ARMC8: variants seen among roughly 807,000 people sequenced by gnomAD.
The protein encoded by ARMC8 is armadillo repeat containing 8.
A neutral mutation model predicts 99.3 loss-of-function variants in ARMC8; 20 were observed. The ratio of observed to expected loss-of-function variants is 0.20; its 90% CI spans 0.14 to 0.29. ARMC8 has a LOEUF of 0.29. Among genes scored for constraint, ARMC8 ranks in the 10% least tolerant of loss-of-function variants. The pLI is 1.00. For missense variants in ARMC8, 569 were observed against 809.5 expected (o/e 0.70, Z 3.60); for synonymous variants, 263 against 278.3 (o/e 0.95, Z 0.55).
intron 14 of ARMC8, among the ~76,000 whole-genome samples, chr3:138,265,457 T>C (rs1371571757): frequency 6.6e-6 from 1 of 152,210 alleles, no homozygotes; most frequent in Non-Finnish European, 1.5e-5. Flanking sequence ...ATACCTGCTA[T>C]GTACTAAGCA....
At chr3:138,225,231 G>C (rs531252635) in intron 5 of ARMC8, among the ~76,000 whole-genome samples, 1 of 146,794 alleles carries the variant, frequency 6.8e-6, no homozygotes, top group East Asian at 2.2e-4. Context: ...TCAGCCTCCC[G>C]AGCTACTCAG....
chr3:138,210,938 G>A (rs2044660606), intron 2 of ARMC8, among the ~76,000 whole-genome samples: 1 of 152,080 alleles, frequency 6.6e-6, no homozygotes, highest in South Asian at 2.1e-4. Flanking sequence ...AGGATCCACC[G>A]AGATACTTGA....
At chr3:138,247,714 T>C (rs1160288841) in intron 12 of ARMC8, among the ~76,000 whole-genome samples, 1 of 152,206 alleles carries the variant, frequency 6.6e-6, no homozygotes, top group Non-Finnish European at 1.5e-5. Flanking sequence ...CTTTTACTGC[T>C]TCTAAAGACT....
chr3:138,209,761 G>C lies in ARMC8; in HGVS notation c.46-56G>C, dbSNP rs1397237557. On this transcript the variant is annotated intron_variant, in intron 1 of 21. Coordinates refer to ENST00000469044, the MANE Select transcript of ARMC8 (RefSeq NM_001363941.2). ...GTCACTTGATATTGTGGGTGATGCT[G>C]TGAATTTGTGATTTGCATGGCTTCA... 5 of 1,423,232 alleles carry C rather than the reference G, an allele frequency of 3.5e-6. No individual in the cohort carries two copies. The African/African-American group carries it at 7.0e-5, about 20-fold the overall frequency. The allele number at this position is 1,423,232 out of a possible 1,614,324, so 88.2% of individuals were successfully genotyped here.
chr3:138,188,162 C>G, intron 1 of ARMC8: 1 of 270,028 alleles, frequency 3.7e-6, no homozygotes, highest in Non-Finnish European at 7.2e-6. Context: ...TTCGTATCAG[C>G]TGCAACTCTT....
At chr3:138,240,410 A>G (rs1440411311) in intron 10 of ARMC8, among the ~76,000 whole-genome samples, 1 of 152,226 alleles carries the variant, frequency 6.6e-6, no homozygotes, top group Non-Finnish European at 1.5e-5. Context: ...AACTCTTCAT[A>G]GAGTGCCACG....
chr3:138,227,947 C>T (rs1025543420), intron 5 of ARMC8, among the ~76,000 whole-genome samples: 7 of 152,168 alleles, frequency 4.6e-5, no homozygotes, highest in Admixed American at 3.3e-4. Context: ...TACCTTTCAA[C>T]TTTTAACTCC....
chr3:138,196,830 G>A (rs2043762236), intron 1 of ARMC8, among the ~76,000 whole-genome samples: 1 of 152,120 alleles, frequency 6.6e-6, no homozygotes, highest in Non-Finnish European at 1.5e-5. Context: ...TCGCACCCTT[G>A]CACTCCAGCT....
In ARMC8 at chr3:138,223,477, G is replaced by C; in HGVS notation, c.283G>C (p.Glu95Gln). ...GTTGGGAAGTCTTGCTATGGGTACTGAAAACAATGTCAAGTCTCTACTGGA... is the reference window on the plus strand; with the variant it reads ...GTTGGGAAGTCTTGCTATGGGTACTCAAAACAATGTCAAGTCTCTACTGGA... ...VVLGSLAMGT[E>Q]NNVKSLLDCH... Residue 95 changes from glutamate to glutamine, a missense_variant, in exon 4 of 22, where the codon GAA becomes CAA. Around this residue, in one of 2 missense-constraint regions of ARMC8, gnomAD observed 342 missense variants for 391.6 expected, o/e 0.87. Transcript: ENST00000469044. 1.2e-6 allele frequency: 2 copies of C among 1,614,190 alleles called. No homozygotes were observed. The highest frequency in any genetic ancestry group is 2.2e-5 in the South Asian group (2 of 91,084).
At chr3:138,284,176 T>G (rs1256871689) in intron 18 of ARMC8, among the ~76,000 whole-genome samples, 1 of 152,258 alleles carries the variant, frequency 6.6e-6, no homozygotes, top group African/African-American at 2.4e-5. Flanking sequence ...ATAGCTGCCT[T>G]TGACCAGCTA....
intron 1 of ARMC8, among the ~76,000 whole-genome samples, chr3:138,203,856 C>G (rs1352176295): frequency 6.6e-6 from 1 of 152,190 alleles, no homozygotes; most frequent in Non-Finnish European, 1.5e-5. Context: ...CTCCCCAGCT[C>G]TCTTATTCAT....
Position 138,260,225 on chromosome 3 carries a change from A to G in ARMC8, c.1135-3514A>G, listed in dbSNP as rs529091761. 3.7e-4 allele frequency among the ~76,000 whole-genome samples: 57 copies of G among 152,306 alleles called. 2 individuals are homozygous for G. In the South Asian group the frequency reaches 0.011, roughly 30 times the overall value. ...TCTAAGTAGACCTGAACCATTCTCCAGCCTCTCCTCACCCGCCTTCTTCCC... is the reference window on the plus strand; with the variant it reads ...TCTAAGTAGACCTGAACCATTCTCCGGCCTCTCCTCACCCGCCTTCTTCCC... On this transcript the variant is annotated intron_variant, in intron 12 of 21. Coordinates refer to ENST00000469044, the MANE Select transcript of ARMC8 (RefSeq NM_001363941.2).
At chr3:138,254,084 G>A (rs1289036771) in intron 12 of ARMC8, among the ~76,000 whole-genome samples, 2 of 152,150 alleles carry the variant, frequency 1.3e-5, no homozygotes, top group African/African-American at 4.8e-5. Flanking sequence ...AATTTTAAAT[G>A]TTTTTCTAAG....
At chr3:138,239,351 CAAGAT>C (rs2046490052) in intron 9 of ARMC8, 112 bp from the exon 10 acceptor site, 4 of 686,798 alleles carry the variant, frequency 5.8e-6, no homozygotes, top group Non-Finnish European at 9.7e-6. Flanking sequence ...TCTTCACTCT[CAAGAT>C]AAGTGATATT....
intron 2 of ARMC8, among the ~76,000 whole-genome samples, chr3:138,220,132 C>G (rs2045311040): frequency 6.6e-6 from 1 of 152,126 alleles, no homozygotes; most frequent in East Asian, 1.9e-4. Flanking sequence ...TGAAAGTGAA[C>G]AACAAGCTGG....
intron 1 of ARMC8, among the ~76,000 whole-genome samples, chr3:138,201,552 C>T (rs1169969468): frequency 7.1e-6 from 1 of 140,058 alleles, no homozygotes; most frequent in Non-Finnish European, 1.5e-5. Context: ...ACCTCCACCT[C>T]CCGGGTTCAA....
At chr3:138,287,704 T>C in intron 19 of ARMC8, 1 of 456,696 alleles carries the variant, frequency 2.2e-6, no homozygotes, top group Non-Finnish European at 4.4e-6. Context: ...CATAGAATTC[T>C]ACTGGAGGAA....
At chr3:138,199,170 C>T (rs1315652796) in intron 1 of ARMC8, among the ~76,000 whole-genome samples, 1 of 151,922 alleles carries the variant, frequency 6.6e-6, no homozygotes, top group African/African-American at 2.4e-5. Flanking sequence ...TGAAACTTGA[C>T]GTACCAAAAA....
chr3:138,263,682 C>A, intron 12 of ARMC8, 57 bp from the exon 13 acceptor site: 1 of 1,351,256 alleles, frequency 7.4e-7, no homozygotes, highest in Non-Finnish European at 1.1e-6. Flanking sequence ...CATTTACAAG[C>A]AGTGAAGTTT....
Sources: gnomAD v4.1 joint callset for allele counts (sites outside exome capture counted in the v4.1 genomes callset) on GRCh38, gnomAD v4.1.1 for gene constraint, gnomAD v4.1.1 regional missense constraint, MANE v1.5 for transcripts, NCBI Gene and HGNC (gene_info 2026-07-23, HGNC 2026-07-21) for gene names.